Variants in HELB observed in about 807,000 individuals in gnomAD.
The protein encoded by HELB is DNA helicase B.
In HELB, 96 loss-of-function variants were observed where a neutral mutation model predicts 101.7. The ratio of observed to expected loss-of-function variants is 0.94; its 90% CI spans 0.80 to 1.12. HELB has a LOEUF of 1.12. HELB is among the 50% of genes most tolerant of loss of function. The pLI, the probability that HELB is intolerant of heterozygous loss-of-function variation, is 0.00. For synonymous variants in HELB, 437 were observed against 459.7 expected (o/e 0.95, Z 0.63); for missense variants, 1,210 against 1,291.9 (o/e 0.94, Z 0.97).
Position 66,315,370 on chromosome 12 carries a change from G to T in HELB, c.1987G>T (p.Asp663Tyr), listed in dbSNP as rs201815365. Residue 663 changes from aspartate to tyrosine, a missense_variant, in exon 6 of 13, where the codon GAC (aspartate) becomes TAC (tyrosine). This residue lies in a region of HELB where 740 missense variants were observed against 728.8 expected (regional missense o/e 1.02). Transcript: ENST00000247815. ...TAGAGCAGAATCTCAGCTCATTGTGGACAATGCTACAAGGTATAATATTAC... is the reference window on the plus strand; with the variant it reads ...TAGAGCAGAATCTCAGCTCATTGTGTACAATGCTACAAGGTATAATATTAC... ...NHRAESQLIV[D>Y]NATRISRRQF... is the part of the protein sequence containing the mutation. 1 of 1,594,320 alleles carries T rather than the reference G, an allele frequency of 6.3e-7. No individual in the cohort carries two copies. The highest frequency in any genetic ancestry group is 1.4e-5 in the African/African-American group (1 of 73,788).
At chr12:66,325,360 C>T (rs1210623884) in intron 11 of HELB, among the ~76,000 whole-genome samples, 1 of 152,180 alleles carries the variant, frequency 6.6e-6, no homozygotes, top group African/African-American at 2.4e-5. Flanking sequence ...TTCAGGTCTT[C>T]CCCTCCCTGC....
At chr12:66,327,711 C>G (rs2053757706) in intron 11 of HELB, among the ~76,000 whole-genome samples, 1 of 151,954 alleles carries the variant, frequency 6.6e-6, no homozygotes, top group Non-Finnish European at 1.5e-5. Flanking sequence ...ACAGGTCAGT[C>G]TATAAAACAG....
chr12:66,342,697 T>G (rs1199971706), downstream of HELB: 1 of 110,602 alleles, frequency 9.0e-6, no homozygotes, highest in Non-Finnish European at 1.9e-5. Flanking sequence ...CTCTTTTTTC[T>G]TTTTCTTTTT....
intron 8 of HELB, 114 bp from the exon 9 acceptor site, chr12:66,322,610 T>C: frequency 1.7e-6 from 1 of 573,590 alleles, no homozygotes; most frequent in Non-Finnish European, 3.1e-6. Context: ...TACTATTTCC[T>C]GGAGAAAGTC....
intron 11 of HELB, among the ~76,000 whole-genome samples, chr12:66,326,941 C>T (rs1386386067): frequency 1.4e-5 from 2 of 142,772 alleles, no homozygotes; most frequent in South Asian, 4.6e-4. Context: ...GAGGCTGAGG[C>T]ATGAGAATCA....
In HELB at chr12:66,304,919, A is replaced by G. The variant is rs1416139407; in HGVS notation, c.376A>G (p.Ile126Val). The stretch of plus-strand genomic sequence containing the variant: ...TATGTCACCACCAAATCAAAAACAT[A>G]TCTGTGCTCTCTTTCTTAAAGAGTG... ...SDMSPPNQKHICALFLKECEV... is the reference protein window; with the variant it reads ...SDMSPPNQKHVCALFLKECEV... The change falls in exon 2 of 13, where the codon ATC becomes GTC. Residue 126 changes from isoleucine (I) to valine (V), a missense_variant. Physicochemically the swap from Ile to Val is conservative, Grantham distance 29. Around this residue, in one of 2 missense-constraint regions of HELB, gnomAD observed 470 missense variants for 563.1 expected, o/e 0.83. Coordinates refer to ENST00000247815, the MANE Select transcript of HELB (RefSeq NM_001370285.1). 3 of 1,614,016 alleles carry G rather than the reference A, an allele frequency of 1.9e-6. No individual in the cohort carries two copies. The highest frequency in any genetic ancestry group is 1.3e-5 in the African/African-American group (1 of 74,922).
chr12:66,307,334 A>G (rs2053488642), intron 3 of HELB, among the ~76,000 whole-genome samples: 1 of 152,184 alleles, frequency 6.6e-6, no homozygotes, highest in Non-Finnish European at 1.5e-5. Context: ...TGGAAGAGCA[A>G]TTACATGTAA....
Position 66,331,199 on chromosome 12 carries a change from C to T in HELB, c.2716C>T (p.Arg906Cys), listed in dbSNP as rs139082430. The T allele has an allele frequency of 1.7e-5, 28 of 1,612,262 alleles. No homozygotes were observed. Among genetic ancestry groups the T allele is most frequent in the Admixed American group, 1.0e-4 (6 of 59,938 alleles). ...TVVYVVGKAG[R>C]QHWQHVYTAV... Reference sequence around the variant, plus strand: ...TGTCTATGTGGTGGGGAAGGCGGGCCGCCAGCACTGGCAGCATGTCTACAC... The same window carrying T: ...TGTCTATGTGGTGGGGAAGGCGGGCTGCCAGCACTGGCAGCATGTCTACAC... Residue 906 changes from arginine (R) to cysteine (C), a missense_variant, in exon 12 of 13, where the codon CGC becomes TGC. By Grantham distance (180) the Arg-to-Cys change is radical (BLOSUM62 -3). Around this residue, in one of 2 missense-constraint regions of HELB, gnomAD observed 740 missense variants for 728.8 expected, o/e 1.02. Coordinates refer to ENST00000247815, the MANE Select transcript of HELB (RefSeq NM_001370285.1).
Position 66,324,246 on chromosome 12 carries a change from A to G in HELB, c.2526+35A>G, listed in dbSNP as rs1298415480. 6 of 1,308,030 alleles carry G rather than the reference A, an allele frequency of 4.6e-6. No homozygotes were observed. The South Asian group carries it at 6.0e-5, about 13-fold the overall frequency. The allele number at this position is 1,308,030 out of a possible 1,614,324, so 81.0% of individuals were successfully genotyped here. ...AACAGAAGATAATATCTTTTAACTA[A>G]TTAGAGATATGTTTGGTTATTTTAT... On this transcript the variant is annotated intron_variant, in intron 10 of 12. Transcript: ENST00000247815.
At chr12:66,320,358 C>T (rs2053656498) in intron 7 of HELB, among the ~76,000 whole-genome samples, 1 of 152,144 alleles carries the variant, frequency 6.6e-6, no homozygotes, top group Admixed American at 6.5e-5. Context: ...CATATACAAT[C>T]ATATTTATTT....
At chr12:66,317,798 A>T (rs959712195) in intron 6 of HELB, among the ~76,000 whole-genome samples, 1 of 152,218 alleles carries the variant, frequency 6.6e-6, no homozygotes, top group African/African-American at 2.4e-5. Flanking sequence ...TCAGGTCCCA[A>T]TTAAATCTGG....
intron 10 of HELB, chr12:66,324,648 A>T: frequency 3.4e-6 from 1 of 290,420 alleles, no homozygotes; most frequent in Non-Finnish European, 6.6e-6. Flanking sequence ...GAAAGCTGTG[A>T]GGAAAAGTAA....
chr12:66,331,050 G>A (rs2053799177), intron 11 of HELB, 104 bp from the exon 12 acceptor site: 1 of 1,261,966 alleles, frequency 7.9e-7, no homozygotes, highest in African/African-American at 1.5e-5. Flanking sequence ...TGGCCAGGTA[G>A]AAGTGCTTGA....
Position 66,324,096 on chromosome 12 carries a change from A to G in HELB, c.2411A>G (p.Asp804Gly), listed in dbSNP as rs915543423. 5.0e-6 allele frequency: 8 copies of G among 1,613,752 alleles called. No individual in the cohort carries two copies. Among genetic ancestry groups the G allele is most frequent in the Non-Finnish European group, 6.8e-6 (8 of 1,179,740 alleles). ...ENISGSQQNN[D>G]LDASSEDFSG... ...ATCTCTGGAAGTCAGCAAAATAATG[A>G]TCTAGATGCCAGTAGTGAAGACTTT... is the stretch of plus-strand genomic sequence containing the variant. The change falls in exon 10 of 13, where the codon GAT becomes GGT. Residue 804 changes from aspartate to glycine, a missense_variant. Coordinates refer to ENST00000247815, the MANE Select transcript of HELB (RefSeq NM_001370285.1).
At chr12:66,335,375 A>T (rs1176696333) in intron 12 of HELB, among the ~76,000 whole-genome samples, 3 of 152,102 alleles carry the variant, frequency 2.0e-5, no homozygotes, top group Admixed American at 2.0e-4. Context: ...GAGGAGGAGG[A>T]ACTAAAAAGG....
rs549103514 is a variant in HELB at position 66,311,149 on chromosome 12, G to A, written c.1680+541G>A. Among the ~76,000 whole-genome samples the A allele has an allele frequency of 6.1e-3, 762 of 125,680 alleles. 10 individuals carry two copies. The highest frequency in any genetic ancestry group is 0.019 in the African/African-American group (709 of 38,130). The allele number at this position is 125,680 out of a possible 152,430, so 82.5% of individuals were successfully genotyped here. On this transcript the variant is annotated intron_variant, in intron 4 of 12. Transcript: ENST00000247815. ...GTGCACTGCTTCCTTCTTTGAGTAA[G>A]TCTTATGGAAAAAAAAAAAAAACCT...
intron 12 of HELB, among the ~76,000 whole-genome samples, chr12:66,332,863 G>C (rs2053825266): frequency 6.6e-6 from 1 of 152,060 alleles, no homozygotes; most frequent in East Asian, 1.9e-4. Flanking sequence ...TTCTCAATTT[G>C]ATTCCAGTTT....
In HELB at chr12:66,331,329, A is replaced by G. The variant is rs761157237; in HGVS notation, c.2846A>G (p.His949Arg). 3.1e-6 allele frequency: 5 copies of G among 1,614,178 alleles called. No individual in the cohort carries two copies. The highest frequency in any genetic ancestry group is 4.5e-5 in the East Asian group (2 of 44,890). The change falls in exon 12 of 13, where the codon CAT (histidine) becomes CGT (arginine). Residue 949 changes from histidine to arginine, a missense_variant. His to Arg is a conservative substitution (Grantham distance 29). Coordinates refer to ENST00000247815, the MANE Select transcript of HELB (RefSeq NM_001370285.1). Reference protein sequence around the residue: ...NSFPRKTRLKHFLQSKLSSSG... With the variant: ...NSFPRKTRLKRFLQSKLSSSG... Reference sequence around the variant, plus strand: ...TTTCCTAGAAAAACTCGTTTGAAACATTTCTTGCAAAGTAAGCTCTCCTCT... The same window carrying G: ...TTTCCTAGAAAAACTCGTTTGAAACGTTTCTTGCAAAGTAAGCTCTCCTCT...
At chr12:66,332,141 G>T (rs1467374410) in intron 12 of HELB, among the ~76,000 whole-genome samples, 1 of 152,106 alleles carries the variant, frequency 6.6e-6, no homozygotes, top group Admixed American at 6.5e-5. Context: ...CCCAGAAATT[G>T]ATTTTCTGGA....
Sources: gnomAD v4.1 joint callset for allele counts (sites outside exome capture counted in the v4.1 genomes callset) on GRCh38, gnomAD v4.1.1 for gene constraint, gnomAD v4.1.1 regional missense constraint, MANE v1.5 for transcripts, NCBI Gene and HGNC (gene_info 2026-07-23, HGNC 2026-07-21) for gene names.